The following PCDHA11 variants were observed in gnomAD, a reference collection of about 807,000 sequenced individuals.
The protein encoded by PCDHA11 is protocadherin alpha-11.
PCDHA11 carries 61 observed loss-of-function variants against 70.3 expected under a neutral mutation model. The observed-to-expected ratio is 0.87, with a 90% CI of 0.71 to 1.07. The LOEUF is 1.07. Ranked by LOEUF, PCDHA11 falls within the 50% of genes least tolerant of loss-of-function variation. The probability of loss-of-function intolerance (pLI) is 0.00; values close to 1 mark genes in which losing one functional copy is unlikely to be tolerated. For synonymous variants in PCDHA11, 633 were observed against 555.1 expected (o/e 1.14, Z -1.97); for missense variants, 1,324 against 1,237.5 (o/e 1.07, Z -1.05).
intron 1 of PCDHA11, among the ~76,000 whole-genome samples, chr5:140,941,198 T>TCTTCCTTTCTTC (rs1563184149): frequency 4.2e-5 from 5 of 119,808 alleles, no homozygotes; most frequent in African/African-American, 1.0e-4. Context: ...TTTTTTTCTT[T>TCTTCCTTTCTTC]CTTCCTTTCT....
chr5:140,994,434 G>A (rs1238502710), intron 3 of PCDHA11, among the ~76,000 whole-genome samples: 1 of 152,156 alleles, frequency 6.6e-6, no homozygotes, highest in African/African-American at 2.4e-5. Flanking sequence ...CGGGCGCAGT[G>A]GCTCACACCT....
chr5:140,923,951 G>A (rs763582377), intron 1 of PCDHA11, among the ~76,000 whole-genome samples: 4 of 151,984 alleles, frequency 2.6e-5, no homozygotes, highest in Non-Finnish European at 2.9e-5. Context: ...TTTTCCTCAC[G>A]CCCTAATCTA....
At chr5:140,947,601 A>G (rs1296948194) in intron 1 of PCDHA11, among the ~76,000 whole-genome samples, 1 of 151,680 alleles carries the variant, frequency 6.6e-6, no homozygotes, top group Non-Finnish European at 1.5e-5. Context: ...TTTAGGGAAG[A>G]TTTGGTATCT....
In PCDHA11 at chr5:140,998,286, A is replaced by G. The variant is rs913397915; in HGVS notation, c.2540-11341A>G. Among the ~76,000 whole-genome samples, 51 of 152,230 alleles carry G rather than the reference A, an allele frequency of 3.4e-4. 1 individual carries two copies. Among genetic ancestry groups the G allele is most frequent in the Non-Finnish European group, 1.5e-5 (1 of 68,044 alleles). On this transcript the variant is annotated intron_variant, in intron 3 of 3. Coordinates refer to ENST00000398640, the MANE Select transcript of PCDHA11 (RefSeq NM_018902.5). ...AAACTGACACCCATAGGATTAAATC[A>G]GATCACACATTTAGTAAGGGCACCA...
chr5:140,879,469 G>A (rs1438617682), intron 1 of PCDHA11, among the ~76,000 whole-genome samples: 2 of 152,166 alleles, frequency 1.3e-5, no homozygotes, highest in Non-Finnish European at 2.9e-5. Context: ...AGAGAATACC[G>A]TTGTGATTGG....
At chr5:140,877,163 C>T (rs782243946) in intron 1 of PCDHA11, 3 of 1,613,816 alleles carry the variant, frequency 1.9e-6, no homozygotes, top group Non-Finnish European at 2.5e-6. Context: ...AACGCGCCGG[C>T]ACTGCTGGCG....
At chr5:140,991,590 G>A (rs1211923014) in intron 3 of PCDHA11, among the ~76,000 whole-genome samples, 2 of 152,098 alleles carry the variant, frequency 1.3e-5, no homozygotes, top group Non-Finnish European at 2.9e-5. Context: ...ATTTCTACCT[G>A]AGCCCTCACT....
chr5:141,000,499 C>T (rs2097942558), intron 3 of PCDHA11, among the ~76,000 whole-genome samples: 1 of 138,650 alleles, frequency 7.2e-6, no homozygotes, highest in African/African-American at 2.7e-5. Context: ...AAGATCTCGG[C>T]TCACTGCAAC....
At chr5:140,901,161 G>A (rs1554189608) in intron 1 of PCDHA11, among the ~76,000 whole-genome samples, 1 of 152,084 alleles carries the variant, frequency 6.6e-6, no homozygotes, top group African/African-American at 2.4e-5. Flanking sequence ...TCTGTGGGTT[G>A]TCTCTTCACT....
chr5:140,952,176 C>G (rs1300041660), intron 1 of PCDHA11, among the ~76,000 whole-genome samples: 1 of 152,058 alleles, frequency 6.6e-6, no homozygotes, highest in African/African-American at 2.4e-5. Flanking sequence ...GTTCCTGCAG[C>G]TGCTCTCATG....
At chr5:140,884,169 C>A in intron 1 of PCDHA11, 2 of 1,613,426 alleles carry the variant, frequency 1.2e-6, no homozygotes, top group South Asian at 1.1e-5. Flanking sequence ...ATCAGCACGA[C>A]GCGCCCTCTG....
At chr5:140,962,084 A>G (rs541325949) in intron 1 of PCDHA11, among the ~76,000 whole-genome samples, 1 of 152,028 alleles carries the variant, frequency 6.6e-6, no homozygotes, top group African/African-American at 2.4e-5. Flanking sequence ...ACGGGGTTTC[A>G]CCATGTTAGC....
chr5:140,884,096 G>T (rs782587372), intron 1 of PCDHA11: 1 of 1,613,580 alleles, frequency 6.2e-7, no homozygotes, highest in Non-Finnish European at 8.5e-7. Flanking sequence ...GCTTTCGTAT[G>T]AATTGCAGCT....
At chr5:140,982,213 A>G in intron 2 of PCDHA11, 2 of 482,032 alleles carry the variant, frequency 4.1e-6, no homozygotes, top group South Asian at 8.1e-5. Context: ...TGAGCGCCAC[A>G]TGGCGTTAAT....
intron 1 of PCDHA11, chr5:140,882,627 A>G: frequency 6.2e-7 from 1 of 1,614,136 alleles, no homozygotes; most frequent in Non-Finnish European, 8.5e-7. Flanking sequence ...TTCCATGTGG[A>G]GGTGAAGGTG....
At chr5:140,907,517 G>C (rs1174112923) in intron 1 of PCDHA11, among the ~76,000 whole-genome samples, 1 of 152,192 alleles carries the variant, frequency 6.6e-6, no homozygotes, top group Non-Finnish European at 1.5e-5. Flanking sequence ...TTCCAGTGAG[G>C]ACAAATCGCT....
At chr5:140,938,876 A>AAC (rs142461507) in intron 1 of PCDHA11, among the ~76,000 whole-genome samples, 11 of 151,144 alleles carry the variant, frequency 7.3e-5, no homozygotes, top group South Asian at 2.1e-4. Context: ...GTTAAGAAGC[A>AAC]ACACACACAC....
chr5:140,978,849 T>C, intron 1 of PCDHA11, 100 bp from the exon 2 acceptor site: 7 of 1,577,036 alleles, frequency 4.4e-6, no homozygotes, highest in Non-Finnish European at 5.2e-6. Flanking sequence ...CTTTTTTAGA[T>C]GCCTGGAAAT....
chr5:140,900,651 A>G (rs1386674800), intron 1 of PCDHA11, among the ~76,000 whole-genome samples: 3 of 152,232 alleles, frequency 2.0e-5, no homozygotes, highest in African/African-American at 7.2e-5. Flanking sequence ...ACACTGCTGC[A>G]ATGAACAATG....
Sources: gnomAD v4.1 joint callset for allele counts (sites outside exome capture counted in the v4.1 genomes callset) on GRCh38, gnomAD v4.1.1 for gene constraint, MANE v1.5 for transcripts, NCBI Gene and HGNC (gene_info 2026-07-23, HGNC 2026-07-21) for gene names.